Variants in PUDP observed in about 807,000 individuals in gnomAD.
PUDP encodes the protein pseudouridine 5'-phosphatase.
A neutral mutation model predicts 9.4 loss-of-function variants in PUDP; 8 were observed. That is an observed-to-expected ratio of 0.85 (90% CI 0.50 to 1.53). The LOEUF is 1.53. Ranked by LOEUF, PUDP falls within the 40% of genes most tolerant of loss-of-function variation. The pLI, the probability that PUDP is intolerant of heterozygous loss-of-function variation, is 0.00. For synonymous variants in PUDP, 99 were observed against 80.7 expected (o/e 1.23, Z -1.22); for missense variants, 188 against 189.7 (o/e 0.99, Z 0.05).
chrX:6,976,320 C>G (rs921584817), intron 3 of PUDP, among the ~76,000 whole-genome samples: 9 of 111,843 alleles, frequency 8.0e-5, no homozygotes, highest in Admixed American at 6.6e-4. Context: ...AAACCCAGGG[C>G]CCTGGTGGTA....
chrX:6,802,890 AAAT>A (rs1167874016), intron 3 of PUDP, among the ~76,000 whole-genome samples: 5 of 5,872 alleles, frequency 8.5e-4, no homozygotes, highest in African/African-American at 7.0e-3. Flanking sequence ...TTTGTCTCAA[AAAT>A]AACATAACAT....
chrX:7,020,200 G>A (rs1366494260), intron 1 of PUDP, among the ~76,000 whole-genome samples: 1 of 110,576 alleles, frequency 9.0e-6, no homozygotes, highest in South Asian at 3.9e-4. Context: ...ATAGAAGATG[G>A]TTTCCATTTG....
At position 6,860,475 on chromosome X, in the gene PUDP, G is replaced by GT. The variant is rs1292414516; in HGVS notation, c.*247+116657dup. Among the ~76,000 whole-genome samples the GT allele has an allele frequency of 1.8e-3, 172 of 97,146 alleles. 4 individuals carry two copies. Among genetic ancestry groups the GT allele is most frequent in the East Asian group, 0.011 (31 of 2,860 alleles). 84.4% of individuals were successfully genotyped at this position (97,146 alleles called of 115,157 possible). ...TTCTGTGTGTGGTTTTTTGTTTTTT[G>GT]TTTTTTGTTTTTTGAGACAGAGTCT... On this transcript the variant is annotated intron_variant and NMD_transcript_variant, in intron 3 of 3. Coordinates refer to the PUDP transcript ENST00000655425.
intron 1 of PUDP, among the ~76,000 whole-genome samples, chrX:7,012,944 G>C (rs1033868931): frequency 1.8e-5 from 2 of 110,825 alleles, no homozygotes; most frequent in Admixed American, 9.6e-5. Context: ...TAGTGGGGGT[G>C]GGGGGTGTAA....
chrX:6,955,437 C>T (rs12012091), intron 3 of PUDP, among the ~76,000 whole-genome samples: 1,468 of 110,378 alleles, frequency 0.013, 23 homozygotes, highest in East Asian at 0.029. Flanking sequence ...TTAGGCTGGT[C>T]GACTTTTAGT....
chrX:7,146,109 A>T (rs1253016547), intron 1 of PUDP, among the ~76,000 whole-genome samples: 1 of 111,497 alleles, frequency 9.0e-6, no homozygotes, highest in Non-Finnish European at 1.9e-5. Context: ...TAGGGCAGGA[A>T]AGGAGGAAAT....
At chrX:7,083,167 G>C (rs974124053) in intron 2 of PUDP, among the ~76,000 whole-genome samples, 3 of 112,081 alleles carry the variant, frequency 2.7e-5, no homozygotes, top group East Asian at 2.8e-4. Context: ...GTCAACTTCT[G>C]TTATTAGAAG....
chrX:7,054,255 A>G (rs1269936473), intron 3 of PUDP, among the ~76,000 whole-genome samples: 1 of 111,147 alleles, frequency 9.0e-6, no homozygotes, highest in East Asian at 2.8e-4. Context: ...CCAAAAAATT[A>G]AAAAATTAGC....
chrX:6,947,019 G>C (rs528102903), intron 3 of PUDP, among the ~76,000 whole-genome samples: 24 of 88,975 alleles, frequency 2.7e-4, no homozygotes, highest in Non-Finnish European at 4.4e-4. Flanking sequence ...TTTTTTAATT[G>C]AGACAGGGTC....
intron 3 of PUDP, among the ~76,000 whole-genome samples, chrX:6,844,845 C>T (rs984546630): frequency 3.6e-5 from 4 of 112,112 alleles, no homozygotes; most frequent in Non-Finnish European, 3.8e-5. Context: ...CAGTATGAGG[C>T]CAAATTCCTC....
At chrX:6,882,661 A>G (rs1171217306) in intron 3 of PUDP, among the ~76,000 whole-genome samples, 3 of 111,675 alleles carry the variant, frequency 2.7e-5, no homozygotes, top group Non-Finnish European at 5.6e-5. Flanking sequence ...AGAAAATCCA[A>G]CTGGGTATCA....
intron 3 of PUDP, among the ~76,000 whole-genome samples, chrX:6,919,354 C>A (rs1927982878): frequency 1.8e-5 from 2 of 111,247 alleles, no homozygotes; most frequent in African/African-American, 6.5e-5. Context: ...CCAAGAAAAA[C>A]CCACAGTGAA....
chrX:6,866,257 G>T (rs780491780), intron 3 of PUDP, among the ~76,000 whole-genome samples: 5 of 100,441 alleles, frequency 5.0e-5, no homozygotes, highest in South Asian at 4.6e-4. Context: ...AAAATTTATG[G>T]TTTTTTTTTT....
At chrX:7,034,408 G>A (rs971621302) in intron 1 of PUDP, among the ~76,000 whole-genome samples, 4 of 111,321 alleles carry the variant, frequency 3.6e-5, no homozygotes, top group African/African-American at 1.3e-4. Context: ...TTTTTCAACA[G>A]TATCCTCAAG....
chrX:6,801,992 T>C (rs1295463265), intron 3 of PUDP, among the ~76,000 whole-genome samples: 1 of 111,896 alleles, frequency 8.9e-6, no homozygotes, highest in Admixed American at 9.5e-5. Context: ...GTATTTTTTT[T>C]CCCTTTTCCT....
At chrX:7,027,234 C>T (rs1180832866) in intron 1 of PUDP, among the ~76,000 whole-genome samples, 1 of 110,994 alleles carries the variant, frequency 9.0e-6, no homozygotes, top group Admixed American at 9.7e-5. Flanking sequence ...AGCAGGTCTC[C>T]CAGCTGAGCC....
chrX:6,946,667 A>G (rs966167699), intron 3 of PUDP, among the ~76,000 whole-genome samples: 7 of 112,241 alleles, frequency 6.2e-5, no homozygotes, highest in African/African-American at 1.9e-4. Context: ...AATGATCTCA[A>G]AGAATTATGT....
At chrX:6,759,140 T>C (rs1307324380) in intron 3 of PUDP, among the ~76,000 whole-genome samples, 2 of 112,288 alleles carry the variant, frequency 1.8e-5, no homozygotes, top group African/African-American at 3.2e-5. Context: ...TAGAAATACA[T>C]ACATCTTGTC....
chrX:6,729,125 T>C (rs1924779080), intron 3 of PUDP, among the ~76,000 whole-genome samples: 1 of 111,646 alleles, frequency 9.0e-6, no homozygotes, highest in African/African-American at 3.3e-5. Context: ...GAAAATATCT[T>C]GGGCCCTTAA....
Sources: gnomAD v4.1 joint callset for allele counts (sites outside exome capture counted in the v4.1 genomes callset) on GRCh38, gnomAD v4.1.1 for gene constraint, MANE v1.5 for transcripts, NCBI Gene and HGNC (gene_info 2026-07-23, HGNC 2026-07-21) for gene names.